Variants in ZFAND3 observed in about 807,000 individuals in gnomAD.
The protein encoded by ZFAND3 is AN1-type zinc finger protein 3.
In ZFAND3, 10 loss-of-function variants were observed where a neutral mutation model predicts 29.6. The observed-to-expected ratio is 0.34, with a 90% CI of 0.21 to 0.57. ZFAND3 has a LOEUF of 0.57. Ranked by LOEUF, ZFAND3 falls within the 20% of genes least tolerant of loss-of-function variation. The probability of loss-of-function intolerance (pLI) is 0.86; values close to 1 mark genes in which losing one functional copy is unlikely to be tolerated. For missense variants in ZFAND3, 230 were observed against 304.5 expected (o/e 0.76, Z 1.82); for synonymous variants, 128 against 112.6 (o/e 1.14, Z -0.87).
chr6:37,828,582 A>G (rs917863276), intron 1 of ZFAND3, among the ~76,000 whole-genome samples: 1 of 152,210 alleles, frequency 6.6e-6, no homozygotes, highest in Admixed American at 6.5e-5. Flanking sequence ...GGTGATTTCA[A>G]TGTGAGTTGC....
chr6:38,017,973 C>T (rs747031793), intron 2 of ZFAND3, among the ~76,000 whole-genome samples: 3 of 152,154 alleles, frequency 2.0e-5, no homozygotes, highest in Non-Finnish European at 4.4e-5. Context: ...TTATAATTTG[C>T]CCTTCCCTCC....
At chr6:38,034,593 C>A (rs961084711) in intron 2 of ZFAND3, among the ~76,000 whole-genome samples, 44 of 152,160 alleles carry the variant, frequency 2.9e-4, no homozygotes, top group Non-Finnish European at 4.7e-4. Flanking sequence ...TAAAAATAAA[C>A]AAGATCATTT....
intron 2 of ZFAND3, among the ~76,000 whole-genome samples, chr6:38,020,819 C>A (rs572644946): frequency 1.3e-5 from 2 of 152,164 alleles, no homozygotes; most frequent in Non-Finnish European, 2.9e-5. Context: ...CCACTACTTT[C>A]CACCTCTCGT....
intron 3 of ZFAND3, among the ~76,000 whole-genome samples, chr6:38,064,819 C>T (rs928946868): frequency 6.6e-6 from 1 of 152,094 alleles, no homozygotes; most frequent in African/African-American, 2.4e-5. Flanking sequence ...TGAAGCTAAT[C>T]TCTTTCCTAA....
At chr6:37,908,758 A>G (rs1214632362) in intron 1 of ZFAND3, among the ~76,000 whole-genome samples, 1 of 150,842 alleles carries the variant, frequency 6.6e-6, no homozygotes, top group East Asian at 1.9e-4. Flanking sequence ...AAAAAAAAAA[A>G]AAGAAAAGTT....
intron 2 of ZFAND3, among the ~76,000 whole-genome samples, chr6:38,035,218 T>C (rs1023863798): frequency 2.6e-5 from 4 of 152,324 alleles, no homozygotes; most frequent in African/African-American, 9.6e-5. Context: ...TACTTAAAAG[T>C]ATTTTGCTTA....
intron 3 of ZFAND3, among the ~76,000 whole-genome samples, chr6:38,072,388 T>C (rs1405688215): frequency 6.6e-6 from 1 of 152,184 alleles, no homozygotes; most frequent in Non-Finnish European, 1.5e-5. Flanking sequence ...ATTATACAGT[T>C]ACTGATATTC....
intron 1 of ZFAND3, among the ~76,000 whole-genome samples, chr6:37,873,488 C>T (rs1256679159): frequency 3.9e-5 from 6 of 152,178 alleles, no homozygotes; most frequent in Non-Finnish European, 8.8e-5. Flanking sequence ...TTGGATCTAT[C>T]GTTGAGAGTT....
intron 2 of ZFAND3, among the ~76,000 whole-genome samples, chr6:37,951,243 G>T (rs917242617): frequency 6.6e-6 from 1 of 152,088 alleles, no homozygotes; most frequent in Admixed American, 6.5e-5. Flanking sequence ...GAACGTTGCC[G>T]AAGTTGTTTA....
chr6:37,887,911 A>G (rs1581735983), intron 1 of ZFAND3, among the ~76,000 whole-genome samples: 3 of 152,188 alleles, frequency 2.0e-5, no homozygotes, highest in Non-Finnish European at 2.9e-5. Flanking sequence ...TGCTATCTCA[A>G]GTGCAGTTGG....
At chr6:37,989,539 A>G (rs1762725148) in intron 2 of ZFAND3, among the ~76,000 whole-genome samples, 1 of 152,200 alleles carries the variant, frequency 6.6e-6, no homozygotes, top group South Asian at 2.1e-4. Context: ...AAATAGCCCC[A>G]CAAGTCACCA....
intron 4 of ZFAND3, among the ~76,000 whole-genome samples, chr6:38,093,168 C>T (rs1460862388): frequency 1.3e-5 from 2 of 152,158 alleles, no homozygotes; most frequent in Non-Finnish European, 2.9e-5. Flanking sequence ...GCCAAAAAAA[C>T]CAGTTCCTAC....
At position 38,154,130 on chromosome 6, in the gene ZFAND3, C is replaced by T. The variant is rs1425137696; in HGVS notation, c.*1741C>T. On this transcript the variant is annotated 3_prime_UTR_variant, in exon 6 of 6. Coordinates refer to ENST00000287218, the MANE Select transcript of ZFAND3 (RefSeq NM_021943.3). The stretch of plus-strand genomic sequence containing the variant: ...ACCCAGGGCAGAGGGGCCAGGTCTG[C>T]CCAGCGTTTACCACTGCTGTCAAGC... 1.0e-6 allele frequency: 1 copy of T among 985,590 alleles called. No homozygotes were observed. The highest frequency in any genetic ancestry group is 1.2e-6 in the Non-Finnish European group (1 of 830,004). 61.1% of individuals were successfully genotyped at this position (985,590 alleles called of 1,614,324 possible).
intron 1 of ZFAND3, among the ~76,000 whole-genome samples, chr6:37,890,227 C>T (rs1382966981): frequency 6.6e-6 from 1 of 152,064 alleles, no homozygotes; most frequent in African/African-American, 2.4e-5. Context: ...TTTATAAATC[C>T]TTTCCCAGTT....
chr6:37,861,973 C>G (rs1259625928), intron 1 of ZFAND3, among the ~76,000 whole-genome samples: 1 of 152,120 alleles, frequency 6.6e-6, no homozygotes, highest in Non-Finnish European at 1.5e-5. Flanking sequence ...GTCACTGATG[C>G]AAATGGAATA....
chr6:38,075,540 A>G (rs1376039423), intron 3 of ZFAND3, among the ~76,000 whole-genome samples: 1 of 152,222 alleles, frequency 6.6e-6, no homozygotes, highest in Non-Finnish European at 1.5e-5. Flanking sequence ...GTTTCTTGAG[A>G]TGGAATCTAC....
Position 38,154,485 on chromosome 6 carries a change from C to T in ZFAND3, c.*2096C>T. ...CTTTAAAAGAGAAAATCTTATTTAA[C>T]CCTTTTGTGTTCTAGATTTACTTAC... On this transcript the variant is annotated 3_prime_UTR_variant, in exon 6 of 6. Transcript: ENST00000287218. The T allele has an allele frequency of 1.0e-6, 1 of 983,768 alleles. No individual in the cohort carries two copies. 60.9% of individuals were successfully genotyped at this position (983,768 alleles called of 1,614,324 possible).
chr6:37,994,081 G>T (rs1299288302), intron 2 of ZFAND3, among the ~76,000 whole-genome samples: 1 of 151,482 alleles, frequency 6.6e-6, no homozygotes, highest in Non-Finnish European at 1.5e-5. Flanking sequence ...AGAATTATGT[G>T]TCTGTAGTTC....
At chr6:37,940,273 T>G (rs543569040) in intron 2 of ZFAND3, among the ~76,000 whole-genome samples, 1 of 152,310 alleles carries the variant, frequency 6.6e-6, no homozygotes, top group East Asian at 1.9e-4. Context: ...GCGTAATTCT[T>G]GTTCTGGCTG....
Sources: gnomAD v4.1 joint callset for allele counts (sites outside exome capture counted in the v4.1 genomes callset) on GRCh38, gnomAD v4.1.1 for gene constraint, MANE v1.5 for transcripts, NCBI Gene and HGNC (gene_info 2026-07-23, HGNC 2026-07-21) for gene names.